Variants in BRMS1 observed in about 807,000 individuals in gnomAD.
The protein encoded by BRMS1 is breast cancer metastasis-suppressor 1.
In BRMS1, 26 loss-of-function variants were observed where a neutral mutation model predicts 40.4. The observed-to-expected ratio is 0.64, with a 90% CI of 0.47 to 0.89. The LOEUF (loss-of-function observed/expected upper bound fraction) is 0.89, where lower values mean the gene tolerates loss of function less well. BRMS1 is among the 40% of genes least tolerant of loss of function. BRMS1 has a pLI of 0.00. For synonymous variants in BRMS1, 103 were observed against 116.0 expected, an observed-to-expected ratio of 0.89 and a Z score of 0.72; for missense variants, 289 against 309.4, an observed-to-expected ratio of 0.93 and a Z score of 0.49.
chr11:66,338,589 T>C (rs779138452), intron 8 of BRMS1, 132 bp downstream of exon 8: 55 of 1,564,298 alleles, frequency 3.5e-5, no homozygotes, highest in Non-Finnish European at 4.6e-5. Flanking sequence ...CCAACTGCGA[T>C]CCAGGGACTC....
chr11:66,345,082 T>C lies in BRMS1; in HGVS notation c.-118A>G, dbSNP rs1241430933. ...CCCGTAGGCGCTGCGCGGCTCCCTT[T>C]TCTTCGGGAGGCAGAGCCTATCGGT... On this transcript the variant is annotated 5_prime_UTR_variant, in exon 1 of 10. Coordinates refer to ENST00000359957, the MANE Select transcript of BRMS1 (RefSeq NM_015399.4). 1 of 152,244 alleles carries C rather than the reference T, an allele frequency of 6.6e-6. No individual in the cohort carries two copies. Among genetic ancestry groups the C allele is most frequent in the Non-Finnish European group, 1.5e-5 (1 of 68,044 alleles). 9.4% of individuals were successfully genotyped at this position (152,244 alleles called of 1,614,324 possible).
rs962234378 is a variant in BRMS1 at position 66,337,875 on chromosome 11, A to G, written c.*7T>C. On this transcript the variant is annotated 3_prime_UTR_variant, in exon 10 of 10. Coordinates refer to ENST00000359957, the MANE Select transcript of BRMS1 (RefSeq NM_015399.4). ...TCTGAGGGTCCCCCTGGCTGTGAAC[A>G]GCAGGGTCAAGGTCCTGTGCATATG... 2.5e-6 allele frequency: 4 copies of G among 1,613,846 alleles called. No homozygotes were observed. Among genetic ancestry groups the G allele is most frequent in the African/African-American group, 1.3e-5 (1 of 74,942 alleles).
At chr11:66,342,044 T>C in intron 2 of BRMS1, 52 bp downstream of exon 2, 2 of 1,419,782 alleles carry the variant, frequency 1.4e-6, no homozygotes, top group Non-Finnish European at 1.9e-6. Context: ...TGCATGTGTG[T>C]GTGTAGGGGC....
chr11:66,338,823 G>C lies in BRMS1; in HGVS notation c.629-38C>G, dbSNP rs200273840. On this transcript the variant is annotated intron_variant, in intron 7 of 9. Coordinates refer to ENST00000359957, the MANE Select transcript of BRMS1 (RefSeq NM_015399.4). The stretch of plus-strand genomic sequence containing the variant: ...TCAAGGAAGCCTAGTGGAGGTGGCA[G>C]GTGACGAGGGCAGGGCCACCCACCT... 61 of 1,515,820 alleles carry C rather than the reference G, an allele frequency of 4.0e-5. No individual in the cohort carries two copies. The East Asian group carries it at 1.3e-3, about 33-fold the overall frequency. The allele number at this position is 1,515,820 out of a possible 1,614,324, so 93.9% of individuals were successfully genotyped here.
Position 66,342,131 on chromosome 11 carries a change from C to T in BRMS1, c.104G>A (p.Ser35Asn), listed in dbSNP as rs759402490. 3.7e-6 allele frequency: 6 copies of T among 1,613,838 alleles called. No homozygotes were observed. The South Asian group carries it at 4.4e-5, about 12-fold the overall frequency. ...CTCTTCTGACTCTGTCTGGCTGCCG[C>T]TCCGCTCCTCCTCACTCTCTTCCTC... ...GEEEESEEER[S>N]GSQTESEEES... Residue 35 changes from serine to asparagine, a missense_variant, in exon 2 of 10, where the codon AGC (serine) becomes AAC (asparagine). Ser to Asn is a conservative substitution (Grantham distance 46). Coordinates refer to ENST00000359957, the MANE Select transcript of BRMS1 (RefSeq NM_015399.4).
At position 66,338,752 on chromosome 11, in the gene BRMS1, T is replaced by G; in HGVS notation, c.662A>C (p.Asp221Ala). ...GATGGCTGTCCAGTCCTCCAGGATG[T>G]CGATCTCTTGAAGCATGTACACGAT... ...PYIVYMLQEIDILEDWTAIKK... is the reference protein window; with the variant it reads ...PYIVYMLQEIAILEDWTAIKK... Residue 221 changes from aspartate (D) to alanine (A), a missense_variant, in exon 8 of 10, where the codon GAC (aspartate) becomes GCC (alanine). Coordinates refer to ENST00000359957, the MANE Select transcript of BRMS1 (RefSeq NM_015399.4). 1.9e-6 allele frequency: 3 copies of G among 1,592,310 alleles called. No individual in the cohort carries two copies. The highest frequency in any genetic ancestry group is 2.6e-6 in the Non-Finnish European group (3 of 1,168,370).
At chr11:66,344,102 C>T (rs1485959975) in intron 1 of BRMS1, among the ~76,000 whole-genome samples, 2 of 152,224 alleles carry the variant, frequency 1.3e-5, no homozygotes, top group African/African-American at 4.8e-5. Flanking sequence ...TTTGCCTGTT[C>T]TCATATCTGT....
intron 1 of BRMS1, among the ~76,000 whole-genome samples, chr11:66,343,112 C>G (rs1855121853): frequency 6.6e-6 from 1 of 152,228 alleles, no homozygotes; most frequent in Non-Finnish European, 1.5e-5. Flanking sequence ...CCCATTCCAC[C>G]TAACTGCTCC....
chr11:66,337,819 A>C lies in BRMS1; in HGVS notation c.*63T>G, dbSNP rs748872632. 6.2e-7 allele frequency: 1 copy of C among 1,614,198 alleles called. No homozygotes were observed. Among genetic ancestry groups the C allele is most frequent in the African/African-American group, 1.3e-5 (1 of 75,072 alleles). On this transcript the variant is annotated 3_prime_UTR_variant, in exon 10 of 10. Transcript: ENST00000359957. ...GTGGGTCCGCCTGTCTGCAGGAGGA[A>C]GACGAGAATCCTGGGTGCAGTGCCA...
Position 66,340,804 on chromosome 11 carries a change from C to T in BRMS1, c.505G>A (p.Glu169Lys). Reference sequence around the variant, plus strand: ...CTGAGGTCCAGGCTCTGGCGGTCCTCCTCCAGCCTCTGGATCCGCTCCTGC... The same window carrying T: ...CTGAGGTCCAGGCTCTGGCGGTCCTTCTCCAGCCTCTGGATCCGCTCCTGC... ...ELQERIQRLE[E>K]DRQSLDLSSE... The change falls in exon 6 of 10, where the codon GAG (glutamate) becomes AAG (lysine). Residue 169 changes from glutamate (E) to lysine (K), a missense_variant. Coordinates refer to ENST00000359957, the MANE Select transcript of BRMS1 (RefSeq NM_015399.4). 1 of 1,613,460 alleles carries T rather than the reference C, an allele frequency of 6.2e-7. No individual in the cohort carries two copies. Among genetic ancestry groups the T allele is most frequent in the East Asian group, 2.2e-5 (1 of 44,888 alleles).
In BRMS1 at chr11:66,338,792, T is replaced by TG; in HGVS notation, c.629-8dup. The TG allele has an allele frequency of 6.5e-7, 1 of 1,531,668 alleles. No homozygotes were observed. 94.9% of individuals were successfully genotyped at this position (1,531,668 alleles called of 1,614,324 possible). Reference sequence around the variant, plus strand: ...ATGTACACGATGTATGGGCCTGTGGTGGGGGTCAAGGAAGCCTAGTGGAGG... The same window carrying TG: ...ATGTACACGATGTATGGGCCTGTGGTGGGGGGTCAAGGAAGCCTAGTGGAGG... On this transcript the variant is annotated splice_region_variant and splice_polypyrimidine_tract_variant and intron_variant, in intron 7 of 9. Coordinates refer to ENST00000359957, the MANE Select transcript of BRMS1 (RefSeq NM_015399.4).
chr11:66,338,170 T>A (rs1055566756), intron 9 of BRMS1, 73 bp downstream of exon 9: 2 of 1,575,668 alleles, frequency 1.3e-6, no homozygotes, highest in African/African-American at 1.4e-5. Flanking sequence ...TCTGGGCTCC[T>A]TCCTGGAAGC....
chr11:66,338,390 C>A (rs1381145459), intron 8 of BRMS1, 108 bp from the exon 9 acceptor site: 5 of 1,536,420 alleles, frequency 3.3e-6, no homozygotes, highest in Non-Finnish European at 4.4e-6. Context: ...AGTGCTGTGC[C>A]CCCAGGACCG....
Position 66,337,678 on chromosome 11 carries a change from G to A in BRMS1, c.*204C>T, listed in dbSNP as rs548463046. On this transcript the variant is annotated 3_prime_UTR_variant, in exon 10 of 10. Coordinates refer to ENST00000359957, the MANE Select transcript of BRMS1 (RefSeq NM_015399.4). The stretch of plus-strand genomic sequence containing the variant: ...CCTTGCCTGGTCAGGTCAGCTCCAC[G>A]GCCACAGCTGTGCAGGCCTCGAGGA... The A allele has an allele frequency of 1.6e-5, 25 of 1,574,246 alleles. No individual in the cohort carries two copies. The highest frequency in any genetic ancestry group is 4.1e-4 in the Middle Eastern group (2 of 4,866).
chr11:66,341,928 G>T lies in BRMS1; in HGVS notation c.139+168C>A. On this transcript the variant is annotated intron_variant, in intron 2 of 9. Coordinates refer to ENST00000359957, the MANE Select transcript of BRMS1 (RefSeq NM_015399.4). The surrounding 1 kb of genome is among the most constrained non-coding windows in gnomAD (Gnocchi z 4.9). ...CTGTGTGTGCGTGCTTGTGTGTAGGGGCTGTGTGTGCGTGTGTGCGCTTGT... is the reference window on the plus strand; with the variant it reads ...CTGTGTGTGCGTGCTTGTGTGTAGGTGCTGTGTGTGCGTGTGTGCGCTTGT... 1 of 750,808 alleles carries T rather than the reference G, an allele frequency of 1.3e-6. No individual in the cohort carries two copies. The highest frequency in any genetic ancestry group is 2.2e-6 in the Non-Finnish European group (1 of 458,892). The allele number at this position is 750,808 out of a possible 1,614,324, so 46.5% of individuals were successfully genotyped here.
At chr11:66,342,819 G>A (rs1193667214) in intron 1 of BRMS1, among the ~76,000 whole-genome samples, 2 of 152,188 alleles carry the variant, frequency 1.3e-5, no homozygotes, top group Non-Finnish European at 2.9e-5. Context: ...ACATATAATG[G>A]CTAGTGCTTG....
rs759825542 is a variant in BRMS1, at chr11:66,338,728, A to G, written c.686T>C (p.Ile229Thr). 8.7e-6 allele frequency: 14 copies of G among 1,607,102 alleles called. No individual in the cohort carries two copies. The South Asian group carries it at 1.3e-4, about 15-fold the overall frequency. The change falls in exon 8 of 10, where the codon ATC (isoleucine) becomes ACC (threonine). Residue 229 changes from isoleucine to threonine, a missense_variant. By Grantham distance (89) the Ile-to-Thr change is moderately conservative (BLOSUM62 -1). Coordinates refer to ENST00000359957, the MANE Select transcript of BRMS1 (RefSeq NM_015399.4). ...EIDILEDWTAIKKARAAVSPQ... is the reference protein window; with the variant it reads ...EIDILEDWTATKKARAAVSPQ... The stretch of plus-strand genomic sequence containing the variant: ...GGCAGCAGCGGCCCCCACCTTTTTG[A>G]TGGCTGTCCAGTCCTCCAGGATGTC...
At position 66,340,158 on chromosome 11, in the gene BRMS1, C is replaced by G; in HGVS notation, c.591G>C (p.Leu197=). The change falls in exon 7 of 10, where the codon CTG becomes CTC. Residue 197 remains leucine, a synonymous_variant. Coordinates refer to ENST00000359957, the MANE Select transcript of BRMS1 (RefSeq NM_015399.4). Reference sequence around the variant, plus strand: ...GTGCCTTCTTCCTCTTGCTGGGCGGCAGGGAGTCCCAAGACCTGGAGCTGC... The same window carrying G: ...GTGCCTTCTTCCTCTTGCTGGGCGGGAGGGAGTCCCAAGACCTGGAGCTGC... ...ARGSSRSWDS[L]PPSKRKKAPL... 1 of 1,613,770 alleles carries G rather than the reference C, an allele frequency of 6.2e-7. No homozygotes were observed. The highest frequency in any genetic ancestry group is 8.5e-7 in the Non-Finnish European group (1 of 1,179,954).
chr11:66,341,374 C>G lies in BRMS1; in HGVS notation c.231-41G>C, dbSNP rs1416916335. 3 of 1,603,452 alleles carry G rather than the reference C, an allele frequency of 1.9e-6. No individual in the cohort carries two copies. The highest frequency in any genetic ancestry group is 1.3e-5 in the African/African-American group (1 of 74,704). On this transcript the variant is annotated intron_variant, in intron 3 of 9. Coordinates refer to ENST00000359957, the MANE Select transcript of BRMS1 (RefSeq NM_015399.4). The surrounding 1 kb of genome is among the most constrained non-coding windows in gnomAD (Gnocchi z 4.9). ...GCAGCCGTGCACCCATTTGCTCACC[C>G]ATCGCTCTTGGGCAAACACATACCC...
Sources: gnomAD v4.1 joint callset for allele counts (sites outside exome capture counted in the v4.1 genomes callset) on GRCh38, gnomAD v4.1.1 for gene constraint, Gnocchi (gnomAD v3.1) non-coding constraint, MANE v1.5 for transcripts, NCBI Gene and HGNC (gene_info 2026-07-23, HGNC 2026-07-21) for gene names.